Variants in CHCHD3 observed in about 807,000 individuals in gnomAD.
The protein encoded by CHCHD3 is MICOS complex subunit MIC19.
In CHCHD3, 20 loss-of-function variants were observed where a neutral mutation model predicts 38.2. That is an observed-to-expected ratio of 0.52 (90% CI 0.37 to 0.76). The LOEUF (loss-of-function observed/expected upper bound fraction) is 0.76. Ranked by LOEUF, CHCHD3 falls within the 30% of genes least tolerant of loss-of-function variation. CHCHD3 has a pLI of 0.00. For missense variants in CHCHD3, 245 were observed against 279.2 expected (o/e 0.88, Z 0.87); for synonymous variants, 82 against 100.0 (o/e 0.82, Z 1.07).
intron 5 of CHCHD3, among the ~76,000 whole-genome samples, chr7:132,867,211 G>T (rs1238991944): frequency 6.6e-6 from 1 of 152,024 alleles, no homozygotes; most frequent in Non-Finnish European, 1.5e-5. Flanking sequence ...CACATAGTAG[G>T]TTCTAAATAA....
intron 3 of CHCHD3, among the ~76,000 whole-genome samples, chr7:132,975,673 G>A (rs370849734): frequency 6.6e-6 from 1 of 152,172 alleles, no homozygotes; most frequent in South Asian, 2.1e-4. Context: ...GCTCACACCT[G>A]TAATCCCAGC....
intron 4 of CHCHD3, among the ~76,000 whole-genome samples, chr7:132,920,650 T>C (rs765802051): frequency 1.2e-4 from 19 of 152,228 alleles, no homozygotes; most frequent in Non-Finnish European, 2.5e-4. Flanking sequence ...AGAATGCTTT[T>C]GTGTGTTTTA....
rs140616088 is a variant in CHCHD3 at position 132,881,112 on chromosome 7, T to C, written c.453+4550A>G. On this transcript the variant is annotated intron_variant, in intron 5 of 7. Transcript: ENST00000262570. Reference sequence around the variant, plus strand: ...AAATCTTTTCAAATGGCTTTGACCTTCTCTCTCAGTAAAGTGTCGCTGCTT... The same window carrying C: ...AAATCTTTTCAAATGGCTTTGACCTCCTCTCTCAGTAAAGTGTCGCTGCTT... 1.6e-3 allele frequency among the ~76,000 whole-genome samples: 239 copies of C among 150,854 alleles called. 1 individual carries two copies. Among genetic ancestry groups the C allele is most frequent in the African/African-American group, 5.3e-3 (221 of 41,472 alleles).
rs992843267 is a variant in CHCHD3 at position 132,788,246 on chromosome 7, G to A, written c.661-2586C>T. ...CTATACTGAGCCTATCTAAGGGAAT[G>A]CAGTTACTAGAGAAAGTGATCTCTT... On this transcript the variant is annotated intron_variant, in intron 7 of 7. Coordinates refer to ENST00000262570, the MANE Select transcript of CHCHD3 (RefSeq NM_017812.4). This position sits in a 1 kb window ranked among gnomAD's most constrained non-coding sequence, Gnocchi z 4.0. Among the ~76,000 whole-genome samples, 2 of 152,184 alleles carry A rather than the reference G, an allele frequency of 1.3e-5. No homozygotes were observed. Among genetic ancestry groups the A allele is most frequent in the African/African-American group, 4.8e-5 (2 of 41,430 alleles).
At position 132,975,218 on chromosome 7, in the gene CHCHD3, A is replaced by C; in HGVS notation, c.320T>G (p.Leu107Arg). The C allele has an allele frequency of 6.2e-7, 1 of 1,612,680 alleles. No homozygotes were observed. The highest frequency in any genetic ancestry group is 1.1e-5 in the South Asian group (1 of 90,998). Residue 107 changes from leucine (L) to arginine (R), a missense_variant, in exon 4 of 8, where the codon CTT (leucine) becomes CGT (arginine). Physicochemically the swap from Leu to Arg is moderately radical, Grantham distance 102. Transcript: ENST00000262570. ...AANEQLTRAILRERICSEEER... is the reference protein window; with the variant it reads ...AANEQLTRAIRRERICSEEER... The stretch of plus-strand genomic sequence containing the variant: ...CTCCTCGCTACATATCCTCTCCCGA[A>C]GGATGGCTCTGGTTAACTGCTCATT...
intron 1 of CHCHD3, among the ~76,000 whole-genome samples, chr7:133,081,371 G>A (rs1181836435): frequency 1.3e-5 from 2 of 152,036 alleles, no homozygotes; most frequent in Non-Finnish European, 2.9e-5. Flanking sequence ...GACAGGGTGT[G>A]GGGAGTGGGT....
intron 6 of CHCHD3, among the ~76,000 whole-genome samples, chr7:132,833,460 T>C (rs886338504): frequency 6.6e-6 from 1 of 152,194 alleles, no homozygotes; most frequent in African/African-American, 2.4e-5. Context: ...TTGATATGCA[T>C]TGGAAATGTA....
intron 3 of CHCHD3, among the ~76,000 whole-genome samples, chr7:133,023,398 A>T (rs1813247617): frequency 6.6e-6 from 1 of 152,232 alleles, no homozygotes; most frequent in Non-Finnish European, 1.5e-5. Context: ...GAAATACTTA[A>T]GGCTCAAAGA....
intron 3 of CHCHD3, among the ~76,000 whole-genome samples, chr7:133,004,492 A>C (rs1460933267): frequency 1.3e-5 from 2 of 152,214 alleles, no homozygotes; most frequent in Admixed American, 1.3e-4. Context: ...ATTCAAATAC[A>C]AGAGGGATTT....
At chr7:132,890,283 T>C (rs970674482) in intron 4 of CHCHD3, among the ~76,000 whole-genome samples, 1 of 152,206 alleles carries the variant, frequency 6.6e-6, no homozygotes, top group Non-Finnish European at 1.5e-5. Flanking sequence ...CTTTTCAGAA[T>C]AGACTTGAAG....
At chr7:132,946,375 T>G (rs996531041) in intron 4 of CHCHD3, among the ~76,000 whole-genome samples, 5 of 151,854 alleles carry the variant, frequency 3.3e-5, no homozygotes, top group Non-Finnish European at 7.4e-5. Flanking sequence ...TACTATAGAA[T>G]AAAAATCAGC....
chr7:132,818,726 A>G (rs1026090732), intron 6 of CHCHD3, among the ~76,000 whole-genome samples: 1 of 152,274 alleles, frequency 6.6e-6, no homozygotes, highest in Non-Finnish European at 1.5e-5. Context: ...CAAATTTTTA[A>G]TATCAATAAC....
chr7:132,909,824 C>G (rs1490379972), intron 4 of CHCHD3, among the ~76,000 whole-genome samples: 1 of 152,166 alleles, frequency 6.6e-6, no homozygotes, highest in Non-Finnish European at 1.5e-5. Context: ...CTTTTAGAAA[C>G]TTCATGGCAC....
chr7:132,865,797 C>T (rs1437798321), intron 5 of CHCHD3, among the ~76,000 whole-genome samples: 2 of 152,088 alleles, frequency 1.3e-5, no homozygotes, highest in Non-Finnish European at 2.9e-5. Flanking sequence ...GAGGAGGTAA[C>T]GATTGGTTAG....
intron 4 of CHCHD3, among the ~76,000 whole-genome samples, chr7:132,935,489 A>G (rs1247721997): frequency 6.6e-6 from 1 of 152,236 alleles, no homozygotes; most frequent in African/African-American, 2.4e-5. Flanking sequence ...ACTCTGGGTC[A>G]GGATGTAAAA....
Position 133,013,206 on chromosome 7 carries a change from A to AAAAAAAAG in CHCHD3, c.251+11339_251+11340insCTTTTTTT, listed in dbSNP as rs35863843. ...GCCTCAAAAAAAAAAAAAAAAAAAA[A>AAAAAAAAG]CATTCAGACAGACATATAATAGGTA... On this transcript the variant is annotated intron_variant, in intron 3 of 7. Coordinates refer to ENST00000262570, the MANE Select transcript of CHCHD3 (RefSeq NM_017812.4). 2.9e-4 allele frequency among the ~76,000 whole-genome samples: 31 copies of AAAAAAAAG among 108,730 alleles called. 5 individuals carry two copies. The highest frequency in any genetic ancestry group is 3.9e-4 in the African/African-American group (11 of 28,456). The allele number at this position is 108,730 out of a possible 152,430, so 71.3% of individuals were successfully genotyped here. A position where few individuals can be genotyped will look rare whatever the true frequency, so the allele number is the denominator to read the frequency against.
chr7:133,043,156 T>G, intron 2 of CHCHD3, among the ~76,000 whole-genome samples: 1 of 152,090 alleles, frequency 6.6e-6, no homozygotes, highest in East Asian at 1.9e-4. Context: ...CCGTGAACCA[T>G]CACACCCAAC....
chr7:132,894,761 C>A (rs1157300111), intron 4 of CHCHD3, among the ~76,000 whole-genome samples: 1 of 152,222 alleles, frequency 6.6e-6, no homozygotes, highest in African/African-American at 2.4e-5. Flanking sequence ...GGAAGGAAAT[C>A]TGTCCTAATG....
intron 2 of CHCHD3, among the ~76,000 whole-genome samples, chr7:133,042,661 C>CCTA (rs535812362): frequency 8.3e-4 from 126 of 152,276 alleles, no homozygotes; most frequent in Middle Eastern, 3.4e-3. Context: ...GTTCCATGTC[C>CCTA]CTACCCCAAG....
Sources: gnomAD v4.1 joint callset for allele counts (sites outside exome capture counted in the v4.1 genomes callset) on GRCh38, gnomAD v4.1.1 for gene constraint, Gnocchi (gnomAD v3.1) non-coding constraint, MANE v1.5 for transcripts, NCBI Gene and HGNC (gene_info 2026-07-23, HGNC 2026-07-21) for gene names.